Variants in ADGRB3 observed in about 807,000 individuals in gnomAD.
The protein encoded by ADGRB3 is adhesion G protein-coupled receptor B3, also known as brain-specific angiogenesis inhibitor 3.
In ADGRB3, 37 loss-of-function variants were observed where a neutral mutation model predicts 193.4. The ratio of observed to expected loss-of-function variants is 0.19; its 90% CI spans 0.15 to 0.25. The LOEUF (loss-of-function observed/expected upper bound fraction) is 0.25, where lower values mean the gene tolerates loss of function less well. ADGRB3 is among the 10% of genes least tolerant of loss of function. The probability of loss-of-function intolerance (pLI) is 1.00; values close to 1 mark genes in which losing one functional copy is unlikely to be tolerated. For missense variants in ADGRB3, 1,637 were observed against 1,852.9 expected (o/e 0.88, Z 2.14); for synonymous variants, 690 against 644.2 (o/e 1.07, Z -1.08).
chr6:69,280,118 A>G (rs1011756986), intron 20 of ADGRB3, among the ~76,000 whole-genome samples: 2 of 152,136 alleles, frequency 1.3e-5, no homozygotes, highest in African/African-American at 2.4e-5. Flanking sequence ...ACTTGCAAAA[A>G]TATATGTTTC....
At position 68,663,356 on chromosome 6, in the gene ADGRB3, G is replaced by T. The variant is rs1413727936; in HGVS notation, c.757+23924G>T. On this transcript the variant is annotated intron_variant, in intron 3 of 31. Transcript: ENST00000370598. ...TAAAAATGTGTGATTTACCAAATTT[G>T]CATAATAAATCATATAAAATACAAA... is the stretch of plus-strand genomic sequence containing the variant. Among the ~76,000 whole-genome samples the T allele has an allele frequency of 2.0e-5, 3 of 151,578 alleles. No individual in the cohort carries two copies. In the East Asian group the frequency reaches 5.8e-4, roughly 29 times the overall value.
intron 3 of ADGRB3, among the ~76,000 whole-genome samples, chr6:68,820,219 A>G (rs1373152820): frequency 1.3e-5 from 2 of 151,984 alleles, no homozygotes. Context: ...CTCTCTTTAC[A>G]AAACTCTCCT....
intron 17 of ADGRB3, among the ~76,000 whole-genome samples, chr6:69,159,490 T>C (rs1226171985): frequency 6.6e-6 from 1 of 152,112 alleles, no homozygotes; most frequent in Non-Finnish European, 1.5e-5. Context: ...TGAATGTAAA[T>C]GAACTGAACC....
At chr6:69,250,213 T>C (rs1403222547) in intron 20 of ADGRB3, among the ~76,000 whole-genome samples, 1 of 152,244 alleles carries the variant, frequency 6.6e-6, no homozygotes, top group Non-Finnish European at 1.5e-5. Flanking sequence ...GTATCTGTTT[T>C]GTTGCCAATT....
At chr6:69,005,299 C>T (rs1349750961) in intron 11 of ADGRB3, among the ~76,000 whole-genome samples, 1 of 151,434 alleles carries the variant, frequency 6.6e-6, no homozygotes, top group African/African-American at 2.4e-5. Flanking sequence ...GTATACCTCA[C>T]AGCAGAATTA....
At chr6:68,949,185 C>G (rs1767850368) in intron 6 of ADGRB3, among the ~76,000 whole-genome samples, 1 of 152,012 alleles carries the variant, frequency 6.6e-6, no homozygotes, top group Non-Finnish European at 1.5e-5. Context: ...TTATTGAGCT[C>G]TACTGTCTTA....
intron 18 of ADGRB3, 23 bp from the exon 19 acceptor site, chr6:69,235,009 T>C (rs1326757127): frequency 6.4e-7 from 1 of 1,562,666 alleles, no homozygotes; most frequent in East Asian, 2.2e-5. Context: ...ATTTGTTTCT[T>C]TTTTGTTTTG....
At chr6:69,073,492 T>C (rs1368425468) in intron 16 of ADGRB3, among the ~76,000 whole-genome samples, 1 of 152,040 alleles carries the variant, frequency 6.6e-6, no homozygotes, top group Non-Finnish European at 1.5e-5. Flanking sequence ...TGGAATTTAC[T>C]GGGAAAAGAG....
rs1339223542 is a variant in ADGRB3 at position 68,753,673 on chromosome 6, A to T, written c.757+114241A>T. On this transcript the variant is annotated intron_variant, in intron 3 of 31. Coordinates refer to ENST00000370598, the MANE Select transcript of ADGRB3 (RefSeq NM_001704.3). ...TGACAGACTGAAAGGTGTCAGAAAAATAATGTCAGTAACTGACTGGAAGTG... is the reference window on the plus strand; with the variant it reads ...TGACAGACTGAAAGGTGTCAGAAAATTAATGTCAGTAACTGACTGGAAGTG... 2.6e-5 allele frequency among the ~76,000 whole-genome samples: 4 copies of T among 152,176 alleles called. No homozygotes were observed. In the East Asian group the frequency reaches 7.7e-4, roughly 29 times the overall value.
chr6:68,740,688 A>T (rs1430683306), intron 3 of ADGRB3, among the ~76,000 whole-genome samples: 3 of 152,212 alleles, frequency 2.0e-5, no homozygotes, highest in Non-Finnish European at 4.4e-5. Context: ...ATGGTTTTAA[A>T]ATTGTCCCTT....
intron 17 of ADGRB3, among the ~76,000 whole-genome samples, chr6:69,205,782 TA>T (rs1194423305): frequency 6.6e-6 from 1 of 151,768 alleles, no homozygotes; most frequent in Non-Finnish European, 1.5e-5. Flanking sequence ...CTGAATCATG[TA>T]ATTTTTTTAC....
At chr6:68,667,883 C>T (rs1221639282) in intron 3 of ADGRB3, among the ~76,000 whole-genome samples, 1 of 151,618 alleles carries the variant, frequency 6.6e-6, no homozygotes, top group African/African-American at 2.4e-5. Context: ...GAGAGAGGCC[C>T]CACATTTAGA....
At chr6:69,115,129 T>C (rs946510159) in intron 17 of ADGRB3, among the ~76,000 whole-genome samples, 2 of 152,146 alleles carry the variant, frequency 1.3e-5, no homozygotes, top group African/African-American at 4.8e-5. Context: ...CATTCTACTA[T>C]AAAGACACAT....
At chr6:68,987,514 G>A (rs1336645) in intron 10 of ADGRB3, among the ~76,000 whole-genome samples, 85,692 of 151,892 alleles carry the variant, frequency 0.56, 24,478 homozygotes, top group East Asian at 0.69. Flanking sequence ...AAATATTCTG[G>A]ACAGATTAAA....
At position 68,963,347 on chromosome 6, in the gene ADGRB3, G is replaced by T. The variant is rs115300380; in HGVS notation, c.1525+6538G>T. On this transcript the variant is annotated intron_variant, in intron 8 of 31. Transcript: ENST00000370598. The stretch of plus-strand genomic sequence containing the variant: ...TGTTACCCATATTATGACAACACCT[G>T]CCTTCTCTAATCTCTTCCACACAGA... Among the ~76,000 whole-genome samples the T allele has an allele frequency of 6.6e-3, 1,003 of 152,202 alleles. 10 individuals are homozygous for T. Among genetic ancestry groups the T allele is most frequent in the African/African-American group, 0.022 (920 of 41,528 alleles).
chr6:69,311,672 C>T (rs370450653), intron 20 of ADGRB3, among the ~76,000 whole-genome samples: 2 of 151,808 alleles, frequency 1.3e-5, no homozygotes, highest in African/African-American at 2.4e-5. Flanking sequence ...AATTTATTTA[C>T]ATCAACACCC....
intron 13 of ADGRB3, among the ~76,000 whole-genome samples, chr6:69,029,364 T>A (rs1338780995): frequency 6.6e-6 from 1 of 152,220 alleles, no homozygotes; most frequent in African/African-American, 2.4e-5. Flanking sequence ...AAAAGTGAAC[T>A]TATTTGTTAC....
intron 3 of ADGRB3, among the ~76,000 whole-genome samples, chr6:68,929,163 A>G (rs181115736): frequency 5.4e-4 from 83 of 152,312 alleles, no homozygotes; most frequent in Non-Finnish European, 1.0e-3. Flanking sequence ...ATTGATAAGC[A>G]GAATCAGCTA....
intron 17 of ADGRB3, among the ~76,000 whole-genome samples, chr6:69,079,663 C>G (rs983133062): frequency 1.3e-5 from 2 of 151,978 alleles, no homozygotes; most frequent in African/African-American, 4.8e-5. Context: ...ACAAAGTTAT[C>G]ATTTGAGTGA....
Sources: gnomAD v4.1 joint callset for allele counts (sites outside exome capture counted in the v4.1 genomes callset) on GRCh38, gnomAD v4.1.1 for gene constraint, MANE v1.5 for transcripts, NCBI Gene and HGNC (gene_info 2026-07-23, HGNC 2026-07-21) for gene names.